CACNA1G: variants seen among roughly 807,000 people sequenced by gnomAD.
CACNA1G encodes calcium voltage-gated channel subunit alpha1 G, also known as voltage-dependent T-type calcium channel subunit alpha-1G.
In CACNA1G, 67 loss-of-function variants were observed where a neutral mutation model predicts 219.4. The observed-to-expected ratio is 0.31, with a 90% CI of 0.25 to 0.37. CACNA1G has a LOEUF of 0.37. Among genes scored for constraint, CACNA1G ranks in the 10% least tolerant of loss-of-function variants. The pLI, the probability that CACNA1G is intolerant of heterozygous loss-of-function variation, is 1.00. For missense variants in CACNA1G, 2,380 were observed against 3,231.4 expected, an observed-to-expected ratio of 0.74 and a Z score of 6.39; for synonymous variants, 1,296 against 1,345.3, an observed-to-expected ratio of 0.96 and a Z score of 0.80.
At chr17:50,624,338 C>CCCCCGGG in intron 36 of CACNA1G, 22 bp from the exon 37 acceptor site, 1 of 1,468,954 alleles carries the variant, frequency 6.8e-7, no homozygotes, top group Non-Finnish European at 9.3e-7. Context: ...CCCACCCCTC[C>CCCCCGGG]CCCGCTTCCC....
Position 50,604,354 on chromosome 17 carries a change from A to G in CACNA1G, c.4296+73A>G, listed in dbSNP as rs2047474168. The G allele has an allele frequency of 3.9e-6, 6 of 1,557,766 alleles. No homozygotes were observed. In the South Asian group the frequency reaches 7.0e-5, roughly 18 times the overall value. ...CCCTTCCCCTTGGCCCCTGGGTCCT[A>G]TGGCTCAAGCTGCTGTTGCTGCCTT... On this transcript the variant is annotated intron_variant, in intron 22 of 37. Transcript: ENST00000359106.
intron 16 of CACNA1G, among the ~76,000 whole-genome samples, chr17:50,597,314 T>C (rs534575233): frequency 2.0e-5 from 3 of 152,260 alleles, no homozygotes; most frequent in African/African-American, 7.2e-5. Context: ...CTCCGAAGCA[T>C]TCTAAATGCA....
At chr17:50,580,943 G>T (rs567438965) in intron 9 of CACNA1G, among the ~76,000 whole-genome samples, 3 of 152,186 alleles carry the variant, frequency 2.0e-5, no homozygotes, top group African/African-American at 7.2e-5. Context: ...GTGGGGGGTT[G>T]CCAGGGAAGG....
At position 50,600,891 on chromosome 17, in the gene CACNA1G, G is replaced by C; in HGVS notation, c.3791+65G>C. The C allele has an allele frequency of 6.4e-7, 1 of 1,569,264 alleles. No homozygotes were observed. Among genetic ancestry groups the C allele is most frequent in the Non-Finnish European group, 8.8e-7 (1 of 1,141,184 alleles). ...CTTCTTCTCACGGGAAATTACCGCT[G>C]GTGATGCTGTCAGGGATTTGAGAAG... On this transcript the variant is annotated intron_variant, in intron 18 of 37. Transcript: ENST00000359106. The surrounding 1 kb of genome is among the most constrained non-coding windows in gnomAD (Gnocchi z 4.1).
At position 50,599,543 on chromosome 17, in the gene CACNA1G, G is replaced by T. The variant is rs1289637602; in HGVS notation, c.3374G>T (p.Ser1125Ile). 1 of 1,612,880 alleles carries T rather than the reference G, an allele frequency of 6.2e-7. No homozygotes were observed. Among genetic ancestry groups the T allele is most frequent in the Non-Finnish European group, 8.5e-7 (1 of 1,179,530 alleles). ...CCCAGCCTGAAGCGGAGAAGCCCAAGTGGAGAGCGGCGGTCCCTGTTGTCG... is the reference window on the plus strand; with the variant it reads ...CCCAGCCTGAAGCGGAGAAGCCCAATTGGAGAGCGGCGGTCCCTGTTGTCG... ...RAPSLKRRSP[S>I]GERRSLLSGE... Residue 1125 changes from serine to isoleucine, a missense_variant, in exon 17 of 38, where the codon AGT becomes ATT. Coordinates refer to ENST00000359106, the MANE Select transcript of CACNA1G (RefSeq NM_018896.5).
chr17:50,561,126 T>G lies in CACNA1G; in HGVS notation c.-334T>G, dbSNP rs2144133418. The G allele has an allele frequency of 2.2e-6, 1 of 460,102 alleles. No homozygotes were observed. Among genetic ancestry groups the G allele is most frequent in the Admixed American group, 2.7e-5 (1 of 37,626 alleles). 28.5% of individuals were successfully genotyped at this position (460,102 alleles called of 1,614,324 possible). On this transcript the variant is annotated 5_prime_UTR_variant, in exon 1 of 38. Coordinates refer to ENST00000359106, the MANE Select transcript of CACNA1G (RefSeq NM_018896.5). ...CCTCTCGGGGCGGCTTCGCCGAAGG[T>G]AGCGCCGAATCCGGCAACCGGAGCC...
Position 50,624,540 on chromosome 17 carries a change from G to A in CACNA1G, c.6399+11G>A. On this transcript the variant is annotated intron_variant, in intron 37 of 37. Transcript: ENST00000359106. ...CCACTCAGGCGCCAGGTGAGCAGAT[G>A]TGGAAAGGCAGGCACAGGCCTGGGG... The A allele has an allele frequency of 1.3e-6, 2 of 1,573,562 alleles. No homozygotes were observed. The highest frequency in any genetic ancestry group is 1.2e-5 in the South Asian group (1 of 85,362).
In CACNA1G at chr17:50,572,431, T is replaced by C. The variant is rs1197560194; in HGVS notation, c.747-123T>C. On this transcript the variant is annotated intron_variant, in intron 5 of 37. Transcript: ENST00000359106. ...CCTGCCCTGCCCAGTCCCTTCCCCA[T>C]TCTTGGTTCTGCCCTGCTCACCCTA... is the stretch of plus-strand genomic sequence containing the variant. 6.3e-5 allele frequency: 50 copies of C among 796,724 alleles called. 2 individuals are homozygous for C. The South Asian group carries it at 6.8e-4, about 11-fold the overall frequency. The allele number at this position is 796,724 out of a possible 1,614,324, so 49.4% of individuals were successfully genotyped here.
rs1033980901 is a variant in CACNA1G at position 50,592,228 on chromosome 17, G to C, written c.2910+136G>C. On this transcript the variant is annotated intron_variant, in intron 13 of 37. Coordinates refer to ENST00000359106, the MANE Select transcript of CACNA1G (RefSeq NM_018896.5). ...CCACAGGAAGAGCCTCTTAGACTAAGCCGGGGTGGACCAGGGCGGGAGGCT... is the reference window on the plus strand; with the variant it reads ...CCACAGGAAGAGCCTCTTAGACTAACCCGGGGTGGACCAGGGCGGGAGGCT... 128 of 889,910 alleles carry C rather than the reference G, an allele frequency of 1.4e-4. No individual in the cohort carries two copies. In the African/African-American group the frequency reaches 1.6e-3, roughly 11 times the overall value. 55.1% of individuals were successfully genotyped at this position (889,910 alleles called of 1,614,324 possible).
chr17:50,621,858 A>G lies in CACNA1G; in HGVS notation c.6060+64A>G, dbSNP rs953063960. The G allele has an allele frequency of 2.5e-6, 4 of 1,589,432 alleles. No homozygotes were observed. Among genetic ancestry groups the G allele is most frequent in the Non-Finnish European group, 3.4e-6 (4 of 1,166,100 alleles). Reference sequence around the variant, plus strand: ...GGGGCTGGACTGGCTGCAGGGCTCCAGATCGGCCCAGGGAGGGTCCTGGGG... The same window carrying G: ...GGGGCTGGACTGGCTGCAGGGCTCCGGATCGGCCCAGGGAGGGTCCTGGGG... On this transcript the variant is annotated intron_variant, in intron 35 of 37. Coordinates refer to ENST00000359106, the MANE Select transcript of CACNA1G (RefSeq NM_018896.5). The surrounding 1 kb of genome is among the most constrained non-coding windows in gnomAD (Gnocchi z 4.6).
chr17:50,619,610 G>A (rs986056861), intron 33 of CACNA1G, 73 bp from the exon 34 acceptor site: 22 of 1,451,884 alleles, frequency 1.5e-5, no homozygotes, highest in East Asian at 4.9e-5. Flanking sequence ...CCCCTTCCAC[G>A]ACACTTCCCA....
In CACNA1G at chr17:50,596,948, G is replaced by A; in HGVS notation, c.3258+25G>A. 6.7e-7 allele frequency: 1 copy of A among 1,495,318 alleles called. No homozygotes were observed. The highest frequency in any genetic ancestry group is 8.9e-7 in the Non-Finnish European group (1 of 1,117,486). 92.6% of individuals were successfully genotyped at this position (1,495,318 alleles called of 1,614,324 possible). Reference sequence around the variant, plus strand: ...GGTAGGGGGTGCATGTGGGTACCCTGATGGTGGGAGATATTCCAAGGAGGA... The same window carrying A: ...GGTAGGGGGTGCATGTGGGTACCCTAATGGTGGGAGATATTCCAAGGAGGA... On this transcript the variant is annotated intron_variant, in intron 16 of 37. Transcript: ENST00000359106. This position sits in a 1 kb window ranked among gnomAD's most constrained non-coding sequence, Gnocchi z 4.8.
At chr17:50,598,203 A>AT (rs1223889650) in intron 16 of CACNA1G, among the ~76,000 whole-genome samples, 1 of 152,014 alleles carries the variant, frequency 6.6e-6, no homozygotes, top group African/African-American at 2.4e-5. Context: ...AATTTTTTGT[A>AT]TTTTTAGTAG....
Position 50,578,669 on chromosome 17 carries a change from C to A in CACNA1G, c.2301+105C>A. On this transcript the variant is annotated intron_variant, in intron 9 of 37. Coordinates refer to ENST00000359106, the MANE Select transcript of CACNA1G (RefSeq NM_018896.5). This position sits in a 1 kb window ranked among gnomAD's most constrained non-coding sequence, Gnocchi z 4.5. ...CTCCTCCTGAGCTCAGCTTCCTCTC[C>A]ATGCTGCTAGCCCACCTGGCAGGTA... is the stretch of plus-strand genomic sequence containing the variant. The A allele has an allele frequency of 2.5e-6, 3 of 1,191,756 alleles. No homozygotes were observed. Among genetic ancestry groups the A allele is most frequent in the East Asian group, 2.5e-5 (1 of 39,674 alleles). 73.8% of individuals were successfully genotyped at this position (1,191,756 alleles called of 1,614,324 possible). A position where few individuals can be genotyped will look rare whatever the true frequency, so the allele number is the denominator to read the frequency against.
chr17:50,573,136 G>A (rs747464833), intron 7 of CACNA1G, 23 bp downstream of exon 7: 26 of 1,511,034 alleles, frequency 1.7e-5, no homozygotes, highest in Middle Eastern at 1.7e-4. Flanking sequence ...TCAGATCCCC[G>A]TGGGGATGGG....
chr17:50,598,758 G>A (rs977053337), intron 16 of CACNA1G, among the ~76,000 whole-genome samples: 12 of 151,836 alleles, frequency 7.9e-5, no homozygotes, highest in Non-Finnish European at 1.3e-4. Flanking sequence ...TTTTTTTTGA[G>A]ATGGAGTTTC....
rs1223408517 is a variant in CACNA1G at position 50,621,941 on chromosome 17, C to CG, written c.6060+149dup. ...CCAGAGGCATCAACTGTCAGGACCT[C>CG]GGTGGCCCACGCTTTGCTGGCACAA... On this transcript the variant is annotated intron_variant, in intron 35 of 37. Transcript: ENST00000359106. This position sits in a 1 kb window ranked among gnomAD's most constrained non-coding sequence, Gnocchi z 4.6. The CG allele has an allele frequency of 5.1e-6, 4 of 783,572 alleles. No individual in the cohort carries two copies. Among genetic ancestry groups the CG allele is most frequent in the Non-Finnish European group, 8.1e-6 (4 of 494,064 alleles). 48.5% of individuals were successfully genotyped at this position (783,572 alleles called of 1,614,324 possible).
intron 1 of CACNA1G, among the ~76,000 whole-genome samples, chr17:50,566,224 G>A (rs994879954): frequency 2.0e-5 from 3 of 152,056 alleles, no homozygotes; most frequent in Non-Finnish European, 4.4e-5. Flanking sequence ...TCCTCCTGTC[G>A]TTATGGCAAC....
chr17:50,620,435 C>T (rs1369389153), intron 34 of CACNA1G, among the ~76,000 whole-genome samples: 1 of 152,202 alleles, frequency 6.6e-6, no homozygotes, highest in African/African-American at 2.4e-5. Flanking sequence ...GCTTCCTGCC[C>T]AAGCCCAGCC....
Sources: allele counts gnomAD v4.1 joint callset (sites outside exome capture counted in the v4.1 genomes callset), GRCh38; gene constraint gnomAD v4.1.1; non-coding constraint Gnocchi (gnomAD v3.1); transcripts MANE v1.5; gene names NCBI Gene and HGNC (gene_info 2026-07-23, HGNC 2026-07-21).